The following PTPRD variants were observed in gnomAD, a reference collection of about 807,000 sequenced individuals.
PTPRD encodes receptor-type tyrosine-protein phosphatase delta.
In PTPRD, 34 loss-of-function variants were observed where a neutral mutation model predicts 214.5. The observed-to-expected ratio is 0.16, with a 90% CI of 0.12 to 0.21. PTPRD has a LOEUF of 0.21. PTPRD is among the 10% of genes least tolerant of loss of function. The probability of loss-of-function intolerance (pLI) is 1.00; values close to 1 mark genes in which losing one functional copy is unlikely to be tolerated. For missense variants in PTPRD, 2,545 were observed against 2,398.7 expected, an observed-to-expected ratio of 1.06 and a Z score of -1.27; for synonymous variants, 1,128 against 845.7, an observed-to-expected ratio of 1.33 and a Z score of -5.79.
chr9:9,233,715 C>A (rs939465144), intron 9 of PTPRD, among the ~76,000 whole-genome samples: 1 of 152,148 alleles, frequency 6.6e-6, no homozygotes, highest in East Asian at 1.9e-4. Flanking sequence ...GGCTATAGGC[C>A]CCATGCAAGT....
chr9:9,321,720 G>C (rs1227373678), intron 9 of PTPRD, among the ~76,000 whole-genome samples: 1 of 152,052 alleles, frequency 6.6e-6, no homozygotes, highest in East Asian at 1.9e-4. Flanking sequence ...TGTAACATTA[G>C]CAAAGTTATT....
intron 10 of PTPRD, among the ~76,000 whole-genome samples, chr9:9,134,806 C>CGTGTGTGT (rs142357379): frequency 8.0e-5 from 12 of 150,572 alleles, no homozygotes; most frequent in African/African-American, 2.9e-4. Context: ...ATTTGGAGTG[C>CGTGTGTGT]GTGTGTGTGT....
At chr9:8,487,823 CAAACA>C (rs1405737739) in intron 27 of PTPRD, among the ~76,000 whole-genome samples, 1 of 151,446 alleles carries the variant, frequency 6.6e-6, no homozygotes, top group Non-Finnish European at 1.5e-5. Context: ...AACAAACAAA[CAAACA>C]AACAAACAAA....
intron 2 of PTPRD, among the ~76,000 whole-genome samples, chr9:10,380,403 T>C (rs2097796161): frequency 6.6e-6 from 1 of 152,074 alleles, no homozygotes; most frequent in Admixed American, 6.6e-5. Flanking sequence ...AACATGATTT[T>C]CAATTGCATT....
chr9:10,157,727 T>C (rs1056043020), intron 3 of PTPRD, among the ~76,000 whole-genome samples: 83 of 152,302 alleles, frequency 5.4e-4, no homozygotes, highest in African/African-American at 1.9e-3. Context: ...CGAAAATATG[T>C]TTTCAAGTTG....
intron 3 of PTPRD, among the ~76,000 whole-genome samples, chr9:10,037,740 A>G (rs1363963781): frequency 1.3e-5 from 2 of 152,186 alleles, no homozygotes; most frequent in African/African-American, 4.8e-5. Flanking sequence ...TTTATCTTAC[A>G]TGCAAAAAGA....
At chr9:9,379,103 C>A (rs1440123774) in intron 9 of PTPRD, among the ~76,000 whole-genome samples, 5 of 150,570 alleles carry the variant, frequency 3.3e-5, no homozygotes, top group Non-Finnish European at 1.5e-5. Flanking sequence ...AGAATTACTC[C>A]CGTTTTATTT....
At chr9:9,987,246 C>T (rs966759953) in intron 4 of PTPRD, among the ~76,000 whole-genome samples, 15 of 152,068 alleles carry the variant, frequency 9.9e-5, no homozygotes, top group African/African-American at 3.6e-4. Context: ...ATGATTAGTA[C>T]TTACATATTA....
chr9:8,316,431 C>G lies in PTPRD; in HGVS notation c.*1443G>C, dbSNP rs1821811518. On this transcript the variant is annotated 3_prime_UTR_variant, in exon 46 of 46. Transcript: ENST00000381196. Reference sequence around the variant, plus strand: ...ATGCCACAAAATGTTTCTGACTGAACAGAGTAACATGAATTTGGCTTTGCC... The same window carrying G: ...ATGCCACAAAATGTTTCTGACTGAAGAGAGTAACATGAATTTGGCTTTGCC... 4.3e-6 allele frequency: 1 copy of G among 230,944 alleles called. No individual in the cohort carries two copies. The highest frequency in any genetic ancestry group is 1.8e-4 in the South Asian group (1 of 5,514). The allele number at this position is 230,944 out of a possible 1,614,324, so 14.3% of individuals were successfully genotyped here. A position where few individuals can be genotyped will look rare whatever the true frequency, so the allele number is the denominator to read the frequency against.
In PTPRD at chr9:8,341,631, G is replaced by T. The variant is rs541213524; in HGVS notation, c.4947+62C>A. The T allele has an allele frequency of 2.6e-6, 4 of 1,565,304 alleles. No homozygotes were observed. The South Asian group carries it at 3.5e-5, about 14-fold the overall frequency. The stretch of plus-strand genomic sequence containing the variant: ...ATTTGAAAGGTTAAAGTAAAGCCAC[G>T]ACTCAAAGACAAACCCAGAATGACT... On this transcript the variant is annotated intron_variant, in intron 40 of 45. Coordinates refer to ENST00000381196, the MANE Select transcript of PTPRD (RefSeq NM_002839.4).
chr9:8,807,056 G>A (rs2096699382), intron 11 of PTPRD, among the ~76,000 whole-genome samples: 1 of 152,168 alleles, frequency 6.6e-6, no homozygotes, highest in Non-Finnish European at 1.5e-5. Context: ...TGGGAAGTAG[G>A]CCAGGCACAG....
intron 11 of PTPRD, among the ~76,000 whole-genome samples, chr9:8,784,168 G>A (rs1242987555): frequency 5.3e-5 from 8 of 152,122 alleles, no homozygotes; most frequent in Admixed American, 3.9e-4. Context: ...ATTCTGACAA[G>A]TGGACTCTGC....
chr9:10,298,113 A>G (rs2095741021), intron 3 of PTPRD, among the ~76,000 whole-genome samples: 1 of 152,168 alleles, frequency 6.6e-6, no homozygotes, highest in Non-Finnish European at 1.5e-5. Context: ...AGAGAAAAAC[A>G]TAAAATAATA....
At chr9:10,529,189 T>TA (rs1367474938) in intron 2 of PTPRD, among the ~76,000 whole-genome samples, 1 of 152,136 alleles carries the variant, frequency 6.6e-6, no homozygotes, top group Non-Finnish European at 1.5e-5. Context: ...GAACCAGAAA[T>TA]ACCATTTGAT....
chr9:8,872,752 C>T (rs1336409286), intron 11 of PTPRD, among the ~76,000 whole-genome samples: 1 of 152,088 alleles, frequency 6.6e-6, no homozygotes, highest in African/African-American at 2.4e-5. Flanking sequence ...AGGGACAGTC[C>T]AAATTTTTCA....
intron 7 of PTPRD, among the ~76,000 whole-genome samples, chr9:9,591,363 A>C (rs2092710358): frequency 6.6e-6 from 1 of 151,978 alleles, no homozygotes; most frequent in African/African-American, 2.4e-5. Context: ...CTCCAAAAGG[A>C]AGTGATTAAG....
At chr9:10,381,600 A>G (rs1178381432) in intron 2 of PTPRD, among the ~76,000 whole-genome samples, 1 of 152,004 alleles carries the variant, frequency 6.6e-6, no homozygotes, top group East Asian at 1.9e-4. Context: ...CTAACCTGTT[A>G]TCTGGCTACA....
At chr9:10,504,628 T>A (rs546436663) in intron 2 of PTPRD, among the ~76,000 whole-genome samples, 1 of 152,276 alleles carries the variant, frequency 6.6e-6, no homozygotes, top group South Asian at 2.1e-4. Context: ...AATTCGTCAA[T>A]TGCACAACCC....
At chr9:8,775,646 G>A (rs1180096011) in intron 11 of PTPRD, among the ~76,000 whole-genome samples, 1 of 152,130 alleles carries the variant, frequency 6.6e-6, no homozygotes, top group Non-Finnish European at 1.5e-5. Flanking sequence ...TGGGCATTTT[G>A]CATGATGCTC....
Sources: allele counts gnomAD v4.1 joint callset (sites outside exome capture counted in the v4.1 genomes callset), GRCh38; gene constraint gnomAD v4.1.1; transcripts MANE v1.5; gene names NCBI Gene and HGNC (gene_info 2026-07-23, HGNC 2026-07-21).